SLC20A2: variants seen among roughly 807,000 people sequenced by gnomAD.
SLC20A2 encodes sodium-dependent phosphate transporter 2.
A neutral mutation model predicts 61.0 loss-of-function variants in SLC20A2; 30 were observed. That is an observed-to-expected ratio of 0.49 (90% CI 0.37 to 0.67). The LOEUF is 0.67. SLC20A2 is among the 30% of genes least tolerant of loss of function. The probability of loss-of-function intolerance (pLI) is 0.00; values close to 1 mark genes in which losing one functional copy is unlikely to be tolerated. For synonymous variants in SLC20A2, 351 were observed against 353.3 expected, an observed-to-expected ratio of 0.99 and a Z score of 0.07; for missense variants, 626 against 866.4, an observed-to-expected ratio of 0.72 and a Z score of 3.48.
intron 2 of SLC20A2, among the ~76,000 whole-genome samples, chr8:42,469,720 G>A (rs1031033565): frequency 6.6e-6 from 1 of 152,110 alleles, no homozygotes; most frequent in Non-Finnish European, 1.5e-5. Flanking sequence ...ACGAGGTCAG[G>A]AGTTTGAGAC....
chr8:42,536,400 C>T (rs999456805), intron 1 of SLC20A2: 1 of 152,348 alleles, frequency 6.6e-6, no homozygotes, highest in Non-Finnish European at 1.5e-5. Context: ...AGGCTTGCAG[C>T]CCAGGCTTCA....
At chr8:42,480,941 G>A (rs1381248089) in intron 1 of SLC20A2, among the ~76,000 whole-genome samples, 7 of 152,118 alleles carry the variant, frequency 4.6e-5, no homozygotes, top group East Asian at 1.9e-4. Flanking sequence ...GATTACAGAC[G>A]TGAGCCACTG....
intron 1 of SLC20A2, among the ~76,000 whole-genome samples, chr8:42,498,048 T>C (rs1465747732): frequency 6.6e-6 from 1 of 152,184 alleles, no homozygotes; most frequent in African/African-American, 2.4e-5. Flanking sequence ...GTTAAGTAAC[T>C]TGTTGAATTG....
intron 4 of SLC20A2, among the ~76,000 whole-genome samples, chr8:42,461,085 A>G (rs1441307807): frequency 6.6e-6 from 1 of 152,198 alleles, no homozygotes; most frequent in Non-Finnish European, 1.5e-5. Context: ...AGCACTTGTC[A>G]AGAGGCTCGA....
chr8:42,512,476 G>A (rs1377969489), intron 1 of SLC20A2, among the ~76,000 whole-genome samples: 5 of 151,526 alleles, frequency 3.3e-5, no homozygotes, highest in Non-Finnish European at 7.4e-5. Flanking sequence ...TCAGCCTCTC[G>A]AGTAGCTGGG....
chr8:42,418,049 A>C, intron 10 of SLC20A2, 82 bp from the exon 11 acceptor site: 1 of 1,166,860 alleles, frequency 8.6e-7, no homozygotes, highest in Non-Finnish European at 1.2e-6. Flanking sequence ...TAATCTCAGA[A>C]ACAAGCTCTA....
At chr8:42,524,256 T>C (rs1009151711) in intron 1 of SLC20A2, among the ~76,000 whole-genome samples, 9 of 152,230 alleles carry the variant, frequency 5.9e-5, no homozygotes, top group African/African-American at 2.2e-4. Flanking sequence ...ATTATGGTTA[T>C]GCTTTGAAAA....
chr8:42,526,673 A>AG (rs1811977064), intron 1 of SLC20A2, among the ~76,000 whole-genome samples: 1 of 19,444 alleles, frequency 5.1e-5, no homozygotes, highest in Non-Finnish European at 1.3e-4. Context: ...ACTCTGTCTC[A>AG]AAAAAAAAAA....
chr8:42,483,739 T>A (rs986905409), intron 1 of SLC20A2, among the ~76,000 whole-genome samples: 6 of 152,258 alleles, frequency 3.9e-5, no homozygotes. Context: ...GCTTAACATA[T>A]GAAACTTCTA....
intron 3 of SLC20A2, among the ~76,000 whole-genome samples, chr8:42,465,488 T>C (rs1216421769): frequency 6.6e-6 from 1 of 151,756 alleles, no homozygotes; most frequent in African/African-American, 2.4e-5. Context: ...GGTCAAGAGA[T>C]TAAGACCATC....
At chr8:42,482,299 A>T (rs1808607793) in intron 1 of SLC20A2, among the ~76,000 whole-genome samples, 1 of 152,220 alleles carries the variant, frequency 6.6e-6, no homozygotes, top group Non-Finnish European at 1.5e-5. Flanking sequence ...TGAAAAAGTT[A>T]TTATTAGGAA....
At chr8:42,443,368 G>C (rs1804953759) in intron 6 of SLC20A2, among the ~76,000 whole-genome samples, 1 of 146,380 alleles carries the variant, frequency 6.8e-6, no homozygotes, top group Admixed American at 6.8e-5. Context: ...AGGCTGGAGT[G>C]CAGTGGCACG....
intron 1 of SLC20A2, among the ~76,000 whole-genome samples, chr8:42,492,431 G>A (rs187642447): frequency 2.2e-4 from 33 of 152,298 alleles, no homozygotes; most frequent in South Asian, 4.1e-4. Context: ...ACTGCAGAGA[G>A]GAATGTCATG....
intron 1 of SLC20A2, among the ~76,000 whole-genome samples, chr8:42,508,151 A>T (rs1167591691): frequency 1.3e-5 from 2 of 151,802 alleles, no homozygotes; most frequent in Non-Finnish European, 2.9e-5. Flanking sequence ...GCAACAGAGC[A>T]AGACTCTGTC....
intron 10 of SLC20A2, among the ~76,000 whole-genome samples, chr8:42,419,008 C>CA (rs778981433): frequency 0.37 from 23,213 of 62,724 alleles, 3,903 homozygotes; most frequent in Non-Finnish European, 0.44. Flanking sequence ...GACTCTGTCT[C>CA]AAAAAAAAAA....
Position 42,499,168 on chromosome 8 carries a change from C to T in SLC20A2, c.-265+1863G>A, listed in dbSNP as rs187357685. Among the ~76,000 whole-genome samples, 659 of 152,214 alleles carry T rather than the reference C, an allele frequency of 4.3e-3. 4 individuals are homozygous for T. The highest frequency in any genetic ancestry group is 5.5e-3 in the Non-Finnish European group (375 of 68,004). On this transcript the variant is annotated intron_variant, in intron 1 of 10. Coordinates refer to ENST00000520262, the MANE Select transcript of SLC20A2 (RefSeq NM_001257180.2). ...ACAGCAGGGCAAGGGCAGGCGGGCT[C>T]GGCTCCTGGACTCCTCCTGCGGCCA...
intron 1 of SLC20A2, among the ~76,000 whole-genome samples, chr8:42,494,916 G>A (rs1211728150): frequency 1.3e-5 from 2 of 151,948 alleles, no homozygotes; most frequent in South Asian, 2.1e-4. Flanking sequence ...GTGCGATCTC[G>A]GCTCCCTGCA....
chr8:42,519,847 C>T (rs1375706031), intron 1 of SLC20A2, among the ~76,000 whole-genome samples: 2 of 152,074 alleles, frequency 1.3e-5, no homozygotes, highest in Admixed American at 1.3e-4. Context: ...GATAATTTAT[C>T]ATGTATAATT....
chr8:42,540,089 C>T (rs756191381), intron 1 of SLC20A2, among the ~76,000 whole-genome samples: 2 of 152,068 alleles, frequency 1.3e-5, no homozygotes, highest in Non-Finnish European at 2.9e-5. Context: ...GTCTGGAGTT[C>T]GAGACCAGCC....
Sources: allele counts gnomAD v4.1 joint callset (sites outside exome capture counted in the v4.1 genomes callset), GRCh38; gene constraint gnomAD v4.1.1; transcripts MANE v1.5; gene names NCBI Gene and HGNC (gene_info 2026-07-23, HGNC 2026-07-21).